The following HIBCH variants were observed in gnomAD, a reference collection of about 807,000 sequenced individuals.
HIBCH encodes the protein 3-hydroxyisobutyryl-CoA hydrolase.
In HIBCH, 50 loss-of-function variants were observed where a neutral mutation model predicts 58.2. The ratio of observed to expected loss-of-function variants is 0.86; its 90% CI spans 0.68 to 1.09. The LOEUF is 1.09. Ranked by LOEUF, HIBCH falls within the 50% of genes least tolerant of loss-of-function variation. The pLI is 0.00. For synonymous variants in HIBCH, 151 were observed against 146.9 expected (o/e 1.03, Z -0.20); for missense variants, 450 against 449.7 (o/e 1.00, Z -0.01).
In HIBCH at chr2:190,306,853, A is replaced by G. The variant is rs980825789; in HGVS notation, c.78+3901T>C. Among the ~76,000 whole-genome samples, 13 of 152,260 alleles carry G rather than the reference A, an allele frequency of 8.5e-5. No homozygotes were observed. The South Asian group carries it at 1.9e-3, about 22-fold the overall frequency. On this transcript the variant is annotated intron_variant, in intron 2 of 13. Coordinates refer to ENST00000359678, the MANE Select transcript of HIBCH (RefSeq NM_014362.4). This position sits in a 1 kb window ranked among gnomAD's most constrained non-coding sequence, Gnocchi z 4.6. Reference sequence around the variant, plus strand: ...TCATGAATGAGATTAACGCCCTTATAAAAGAAACCCTGGAGAGCTTCTTCA... The same window carrying G: ...TCATGAATGAGATTAACGCCCTTATGAAAGAAACCCTGGAGAGCTTCTTCA...
chr2:190,284,393 G>T (rs1287707148), intron 6 of HIBCH, among the ~76,000 whole-genome samples: 1 of 152,112 alleles, frequency 6.6e-6, no homozygotes, highest in Admixed American at 6.6e-5. Context: ...AAAAAAAATG[G>T]AAGTTCTGCC....
At chr2:190,308,968 T>C (rs1176304772) in intron 2 of HIBCH, among the ~76,000 whole-genome samples, 4 of 152,276 alleles carry the variant, frequency 2.6e-5, no homozygotes, top group African/African-American at 9.6e-5. Flanking sequence ...TTACTTAGCC[T>C]CCCTGTCCCT....
intron 8 of HIBCH, among the ~76,000 whole-genome samples, chr2:190,251,336 C>T (rs1272060490): frequency 1.3e-5 from 2 of 152,104 alleles, no homozygotes; most frequent in African/African-American, 2.4e-5. Flanking sequence ...GATTGAAGGA[C>T]AGAGTGTGCA....
In HIBCH at chr2:190,209,884, T is replaced by C. The variant is rs1690477524; in HGVS notation, c.1012-971A>G. 6.6e-6 allele frequency among the ~76,000 whole-genome samples: 1 copy of C among 152,192 alleles called. No homozygotes were observed. The highest frequency in any genetic ancestry group is 1.5e-5 in the Non-Finnish European group (1 of 68,032). On this transcript the variant is annotated intron_variant, in intron 12 of 13. Coordinates refer to ENST00000359678, the MANE Select transcript of HIBCH (RefSeq NM_014362.4). The surrounding 1 kb of genome is among the most constrained non-coding windows in gnomAD (Gnocchi z 5.6). ...GGACTAGTAATTTCTCCAACCCTAG[T>C]TTCTTTACATGAAAAGGTAATTTAT...
chr2:190,226,211 C>T (rs930288056), intron 11 of HIBCH, among the ~76,000 whole-genome samples: 2 of 152,180 alleles, frequency 1.3e-5, no homozygotes, highest in African/African-American at 4.8e-5. Flanking sequence ...GACAGGGATG[C>T]CCTCTCTCAC....
At chr2:190,264,678 T>C (rs1204003085) in intron 6 of HIBCH, among the ~76,000 whole-genome samples, 1 of 152,230 alleles carries the variant, frequency 6.6e-6, no homozygotes, top group Non-Finnish European at 1.5e-5. Flanking sequence ...TGTTAATCCA[T>C]TCTAATATAA....
chr2:190,273,572 T>C (rs1398403564), intron 6 of HIBCH, among the ~76,000 whole-genome samples: 2 of 152,146 alleles, frequency 1.3e-5, no homozygotes, highest in African/African-American at 4.8e-5. Context: ...TAAAAACGAA[T>C]GTATATAAAC....
Position 190,314,356 on chromosome 2 carries a change from T to TAC in HIBCH, c.36-3562_36-3561dup, listed in dbSNP as rs1248417826. On this transcript the variant is annotated intron_variant, in intron 1 of 13. Coordinates refer to ENST00000359678, the MANE Select transcript of HIBCH (RefSeq NM_014362.4). The stretch of plus-strand genomic sequence containing the variant: ...ATATATACATATATATGTGTATATA[T>TAC]ACGTATATATATACGTATATATGTG... Among the ~76,000 whole-genome samples the TAC allele has an allele frequency of 1.9e-3, 106 of 54,594 alleles. 4 individuals are homozygous for TAC. Among genetic ancestry groups the TAC allele is most frequent in the African/African-American group, 7.3e-3 (103 of 14,116 alleles). 35.8% of individuals were successfully genotyped at this position (54,594 alleles called of 152,430 possible).
chr2:190,260,020 T>C (rs1456135007), intron 7 of HIBCH, among the ~76,000 whole-genome samples: 1 of 152,134 alleles, frequency 6.6e-6, no homozygotes, highest in East Asian at 1.9e-4. Context: ...AAATGTCCAC[T>C]CTCACCACTT....
At chr2:190,200,227 A>G, downstream of HIBCH, 1 of 1,142,224 alleles carries the variant, frequency 8.8e-7, no homozygotes, top group African/African-American at 1.5e-5. Flanking sequence ...GGTGTGAAAA[A>G]GTACAAATAA....
chr2:190,292,692 A>G (rs1012987570), intron 4 of HIBCH, among the ~76,000 whole-genome samples: 36 of 152,216 alleles, frequency 2.4e-4, no homozygotes, highest in Admixed American at 2.4e-3. Context: ...AAACAAACAA[A>G]CAAACAAAAA....
intron 11 of HIBCH, among the ~76,000 whole-genome samples, chr2:190,231,943 C>A (rs1008024060): frequency 3.3e-5 from 5 of 152,158 alleles, no homozygotes; most frequent in Non-Finnish European, 4.4e-5. Context: ...CACATGTAAT[C>A]CTAACACTTT....
At chr2:190,229,450 CTG>C (rs1241055705) in intron 11 of HIBCH, among the ~76,000 whole-genome samples, 2 of 152,188 alleles carry the variant, frequency 1.3e-5, no homozygotes, top group Non-Finnish European at 2.9e-5. Flanking sequence ...TGCTAACATG[CTG>C]TGAGATAAAC....
chr2:190,227,898 G>A (rs1170560944), intron 11 of HIBCH, among the ~76,000 whole-genome samples: 1 of 152,082 alleles, frequency 6.6e-6, no homozygotes, highest in East Asian at 1.9e-4. Context: ...AAAAAGTCAG[G>A]AAACGACAGG....
At position 190,296,836 on chromosome 2, in the gene HIBCH, G is replaced by T. The variant is rs757976755; in HGVS notation, c.196C>A (p.Arg66=). Residue 66 remains arginine (R), a synonymous_variant, in exon 3 of 14, where the codon CGG becomes AGG. Transcript: ENST00000359678. ...FLNALTLNMI[R]QIYPQLKKWE... ...ACCTTTAGCTGTGGATAAATCTGCC[G>T]AATCATATTAAGAGTCAGTGCATTG... The T allele has an allele frequency of 1.2e-6, 2 of 1,613,722 alleles. No homozygotes were observed. Among genetic ancestry groups the T allele is most frequent in the Non-Finnish European group, 1.7e-6 (2 of 1,179,782 alleles).
At chr2:190,226,132 C>A (rs1376462842) in intron 11 of HIBCH, among the ~76,000 whole-genome samples, 2 of 152,184 alleles carry the variant, frequency 1.3e-5, no homozygotes, top group Admixed American at 1.3e-4. Context: ...CTATTTATGA[C>A]AAACCCACAG....
At chr2:190,252,690 T>C (rs1686808630) in intron 7 of HIBCH, among the ~76,000 whole-genome samples, 1 of 152,146 alleles carries the variant, frequency 6.6e-6, no homozygotes, top group African/African-American at 2.4e-5. Context: ...AAAAAATACA[T>C]AACCTATGGC....
In HIBCH at chr2:190,246,216, T is replaced by C. The variant is rs369841488; in HGVS notation, c.751-4A>G. 100 of 1,556,868 alleles carry C rather than the reference T, an allele frequency of 6.4e-5. No individual in the cohort carries two copies. The highest frequency in any genetic ancestry group is 8.7e-5 in the Non-Finnish European group (99 of 1,134,934). On this transcript the variant is annotated splice_polypyrimidine_tract_variant and splice_region_variant and intron_variant, in intron 9 of 13. Coordinates refer to ENST00000359678, the MANE Select transcript of HIBCH (RefSeq NM_014362.4). ...ACTTGTCTCGATCAATCTTAGACTG[T>C]TTGAAAAGAAAAATCTTTTAATAAA...
At chr2:190,238,488 G>A (rs992525448) in intron 11 of HIBCH, among the ~76,000 whole-genome samples, 7 of 152,082 alleles carry the variant, frequency 4.6e-5, no homozygotes, top group African/African-American at 1.4e-4. Context: ...TTTTGAGATG[G>A]AGTCTTGCTC....
Sources: allele counts gnomAD v4.1 joint callset (sites outside exome capture counted in the v4.1 genomes callset), GRCh38; gene constraint gnomAD v4.1.1; non-coding constraint Gnocchi (gnomAD v3.1); transcripts MANE v1.5; gene names NCBI Gene and HGNC (gene_info 2026-07-23, HGNC 2026-07-21).